Variants in CPLANE1 observed in about 807,000 individuals in gnomAD.
CPLANE1 encodes ciliogenesis and planar polarity effector 1.
CPLANE1 carries 263 observed loss-of-function variants against 362.5 expected under a neutral mutation model. The ratio of observed to expected loss-of-function variants is 0.73; its 90% CI spans 0.66 to 0.80. CPLANE1 has a LOEUF of 0.80. Among genes scored for constraint, CPLANE1 ranks in the 30% least tolerant of loss-of-function variants. The pLI is 0.00. For missense variants in CPLANE1, 3,461 were observed against 3,793.4 expected (o/e 0.91, Z 2.30); for synonymous variants, 1,212 against 1,302.6 (o/e 0.93, Z 1.50).
intron 46 of CPLANE1, chr5:37,130,754 A>C (rs301867): frequency 0.52 from 79,308 of 152,974 alleles, 24,135 homozygotes; most frequent in African/African-American, 0.87. Flanking sequence ...CTAATTCCCC[A>C]TAAAAGACCA....
chr5:37,094,333 T>C, the CPLANE1 span, among the ~76,000 whole-genome samples: 1 of 152,230 alleles, frequency 6.6e-6, no homozygotes, highest in Admixed American at 6.5e-5. Context: ...TGCTCCTGAA[T>C]GATCACTGGG....
chr5:37,243,009 T>C lies in CPLANE1; in HGVS notation c.677+4A>G. 1 of 1,517,640 alleles carries C rather than the reference T, an allele frequency of 6.6e-7. No homozygotes were observed. The highest frequency in any genetic ancestry group is 8.9e-7 in the Non-Finnish European group (1 of 1,126,806). The allele number at this position is 1,517,640 out of a possible 1,614,324, so 94.0% of individuals were successfully genotyped here. On this transcript the variant is annotated splice_donor_region_variant and intron_variant, in intron 6 of 52. Transcript: ENST00000651892. Reference sequence around the variant, plus strand: ...GAAAAGGAAGAAGAAAACATTTACCTCACCTTACAGATGTAAATACATTCT... The same window carrying C: ...GAAAAGGAAGAAGAAAACATTTACCCCACCTTACAGATGTAAATACATTCT...
At chr5:37,080,353 G>A in the CPLANE1 span, among the ~76,000 whole-genome samples, 1 of 152,172 alleles carries the variant, frequency 6.6e-6, no homozygotes, top group African/African-American at 2.4e-5. Flanking sequence ...TGAGCGGGGA[G>A]AGATCAGAGT....
chr5:37,167,035 C>G lies in CPLANE1; in HGVS notation c.7400+12G>C. 6.3e-7 allele frequency: 1 copy of G among 1,596,810 alleles called. No individual in the cohort carries two copies. Among genetic ancestry groups the G allele is most frequent in the Non-Finnish European group, 8.5e-7 (1 of 1,171,312 alleles). On this transcript the variant is annotated intron_variant, in intron 35 of 52. Coordinates refer to ENST00000651892, the MANE Select transcript of CPLANE1 (RefSeq NM_001384732.1). ...TATGATATTATCAAATAAAATTTCA[C>G]TTAAGCCTTGCCTTTTTTTACTGTC... is the stretch of plus-strand genomic sequence containing the variant.
chr5:37,206,253 A>G lies in CPLANE1; in HGVS notation c.3093T>C (p.Ser1031=). ...GCTGGAAAGCCACACCAATTGAAAC[A>G]GACGTCTTCCAGTCTCCAAGTTTAT... ...LAYKLGDWKT[S]VSIGVAFQLF... The change falls in exon 17 of 53, where the codon TCT becomes TCC. Residue 1031 remains serine (S), a synonymous_variant. Transcript: ENST00000651892. 6.4e-7 allele frequency: 1 copy of G among 1,551,832 alleles called. No homozygotes were observed. Among genetic ancestry groups the G allele is most frequent in the East Asian group, 2.4e-5 (1 of 40,922 alleles).
intron 5 of CPLANE1, among the ~76,000 whole-genome samples, chr5:37,243,631 T>C (rs1738400759): frequency 6.7e-6 from 1 of 148,342 alleles, no homozygotes. Flanking sequence ...GCTTGTTAAA[T>C]TACCAAACAA....
rs958423860 is a variant in CPLANE1 at position 37,158,161 on chromosome 5, C to T, written c.7812+63G>A. 2.6e-6 allele frequency: 4 copies of T among 1,539,848 alleles called. No homozygotes were observed. The Admixed American group carries it at 5.1e-5, about 20-fold the overall frequency. Reference sequence around the variant, plus strand: ...TTTCATCTACCCAATTGAATAATGTCTACATGACCATAATACATTTTAGCG... The same window carrying T: ...TTTCATCTACCCAATTGAATAATGTTTACATGACCATAATACATTTTAGCG... On this transcript the variant is annotated intron_variant, in intron 39 of 52. Transcript: ENST00000651892.
intron 18 of CPLANE1, 41 bp downstream of exon 18, chr5:37,205,274 T>C (rs1790389574): frequency 6.8e-7 from 1 of 1,467,620 alleles, no homozygotes; most frequent in African/African-American, 1.4e-5. Flanking sequence ...ATAAGGTTTA[T>C]ATTAATCTGA....
Position 37,108,435 on chromosome 5 carries a change from T to C in CPLANE1, c.9437A>G (p.Lys3146Arg), listed in dbSNP as rs1372872191. 1 of 1,614,222 alleles carries C rather than the reference T, an allele frequency of 6.2e-7. No homozygotes were observed. The highest frequency in any genetic ancestry group is 1.7e-5 in the Admixed American group (1 of 60,026). Residue 3146 changes from lysine to arginine, a missense_variant, in exon 52 of 53, where the codon AAA (lysine) becomes AGA (arginine). By Grantham distance (26) the Lys-to-Arg change is conservative. Coordinates refer to ENST00000651892, the MANE Select transcript of CPLANE1 (RefSeq NM_001384732.1). ...TGCAAGCCCAGCACTTCCATGTTTTTTTGTATGCTGCAGACTATGACACGG... is the reference window on the plus strand; with the variant it reads ...TGCAAGCCCAGCACTTCCATGTTTTCTTGTATGCTGCAGACTATGACACGG... ...NAPCHSLQHT[K>R]KHGSAGLAPQ...
Position 37,227,364 on chromosome 5 carries a change from G to A in CPLANE1, c.1400C>T (p.Ser467Leu). ...CAGGCTAGACCTTAGGGAATTCAGT[G>A]ATCGCAAGTTCAGTCCTTTGCCTTT... Reference protein sequence around the residue: ...KPKGKGLNLRSLNSLRSSLLE... With the variant: ...KPKGKGLNLRLLNSLRSSLLE... Residue 467 changes from serine to leucine, a missense_variant, in exon 11 of 53, where the codon TCA (serine) becomes TTA (leucine). Coordinates refer to ENST00000651892, the MANE Select transcript of CPLANE1 (RefSeq NM_001384732.1). 4 of 1,548,200 alleles carry A rather than the reference G, an allele frequency of 2.6e-6. No individual in the cohort carries two copies. Among genetic ancestry groups the A allele is most frequent in the Non-Finnish European group, 3.5e-6 (4 of 1,145,590 alleles).
At chr5:37,173,313 G>T (rs1209532962) in intron 32 of CPLANE1, among the ~76,000 whole-genome samples, 1 of 152,164 alleles carries the variant, frequency 6.6e-6, no homozygotes, top group African/African-American at 2.4e-5. Context: ...GGATACTTTT[G>T]AGTAGGAGCC....
chr5:37,129,716 T>A (rs1361462860), intron 46 of CPLANE1, among the ~76,000 whole-genome samples: 1 of 152,166 alleles, frequency 6.6e-6, no homozygotes, highest in Admixed American at 6.5e-5. Context: ...TCTGCAAGAA[T>A]GGACATAATC....
chr5:37,229,870 G>A (rs1034443518), intron 9 of CPLANE1, among the ~76,000 whole-genome samples: 9 of 152,100 alleles, frequency 5.9e-5, no homozygotes, highest in African/African-American at 2.2e-4. Context: ...CAAGATGGGA[G>A]ATCAAAATAA....
Position 37,206,309 on chromosome 5 carries a change from C to T in CPLANE1, c.3037G>A (p.Gly1013Ser), listed in dbSNP as rs1360522942. 1.3e-6 allele frequency: 2 copies of T among 1,551,650 alleles called. No homozygotes were observed. ...EYALELLFIG[G>S]LVPEAVWLAY... ...AACCACACAGCCTCTGGAACCAGGCCACCAATAAATAGTAATTCAAGTGCA... is the reference window on the plus strand; with the variant it reads ...AACCACACAGCCTCTGGAACCAGGCTACCAATAAATAGTAATTCAAGTGCA... Residue 1013 changes from glycine (G) to serine (S), a missense_variant, in exon 17 of 53, where the codon GGC becomes AGC. Physicochemically the swap from Gly to Ser is moderately conservative, Grantham distance 56. This residue lies in a region of CPLANE1 where 3,380 missense variants were observed against 3,666.1 expected (regional missense o/e 0.92). Transcript: ENST00000651892.
At chr5:37,206,527 A>G (rs1790790472) in intron 16 of CPLANE1, 102 bp from the exon 17 acceptor site, 1 of 741,220 alleles carries the variant, frequency 1.3e-6, no homozygotes, top group East Asian at 2.7e-5. Flanking sequence ...TCTACAAAAA[A>G]CCACCAGGAA....
At chr5:37,201,559 A>G in intron 19 of CPLANE1, 32 bp downstream of exon 19, 1 of 1,516,730 alleles carries the variant, frequency 6.6e-7, no homozygotes, top group Middle Eastern at 1.8e-4. Flanking sequence ...ATCAACTTTA[A>G]ATTAATTTAA....
At chr5:37,210,544 A>G in intron 16 of CPLANE1, 1 of 1,473,456 alleles carries the variant, frequency 6.8e-7, no homozygotes, top group Non-Finnish European at 9.4e-7. Context: ...TCAAAAAAGG[A>G]GGAACTCAAT....
intron 16 of CPLANE1, chr5:37,211,912 T>C: frequency 1.3e-6 from 1 of 792,204 alleles, no homozygotes. Flanking sequence ...GCCGGGGATA[T>C]GCTTCATATG....
In CPLANE1 at chr5:37,170,042, T is replaced by C. The variant is rs1418732084; in HGVS notation, c.6461A>G (p.Gln2154Arg). 6.2e-7 allele frequency: 1 copy of C among 1,613,524 alleles called. No homozygotes were observed. Among genetic ancestry groups the C allele is most frequent in the East Asian group, 2.2e-5 (1 of 44,878 alleles). Residue 2154 changes from glutamine (Q) to arginine (R), a missense_variant and splice_region_variant, in exon 33 of 53, where the codon CAG (glutamine) becomes CGG (arginine). Around this residue, in one of 2 missense-constraint regions of CPLANE1, gnomAD observed 3,380 missense variants for 3,666.1 expected, o/e 0.92. Transcript: ENST00000651892. ...PSGQNSTGNV[Q>R]NVPHGSIPLC... ...TAATGGTATTTTTACATACATTACC[T>C]GTACGTTTCCAGTACTATTTTGACC...
Sources: gnomAD v4.1 joint callset for allele counts (sites outside exome capture counted in the v4.1 genomes callset) on GRCh38, gnomAD v4.1.1 for gene constraint, gnomAD v4.1.1 regional missense constraint, MANE v1.5 for transcripts, NCBI Gene and HGNC (gene_info 2026-07-23, HGNC 2026-07-21) for gene names.